The following EXD3 variants were observed in gnomAD, a reference collection of about 807,000 sequenced individuals.
The protein encoded by EXD3 is exonuclease 3'-5' domain containing 3, also known as exonuclease mut-7 homolog.
In EXD3, 92 loss-of-function variants were observed where a neutral mutation model predicts 98.0. The observed-to-expected ratio is 0.94, with a 90% CI of 0.79 to 1.12. The LOEUF (loss-of-function observed/expected upper bound fraction) is 1.12, where lower values mean the gene tolerates loss of function less well. Among genes scored for constraint, EXD3 ranks in the 50% most tolerant of loss-of-function variants. The pLI is 0.00. For missense variants in EXD3, 1,222 were observed against 1,191.6 expected (o/e 1.03, Z -0.38); for synonymous variants, 569 against 526.0 (o/e 1.08, Z -1.12).
At chr9:137,357,196 C>T (rs11516130) in intron 7 of EXD3, 121,356 of 152,084 alleles carry the variant, frequency 0.8, 48,612 homozygotes, top group South Asian at 0.92. Flanking sequence ...TGTTGAGAAA[C>T]TTCATGACAA....
chr9:137,392,422 A>G, intron 2 of EXD3: 1 of 163,282 alleles, frequency 6.1e-6, no homozygotes, highest in South Asian at 1.7e-4. Context: ...ACAGACGCGG[A>G]TGTCCTGCTC....
intron 8 of EXD3, among the ~76,000 whole-genome samples, chr9:137,355,693 G>T (rs1834720850): frequency 2.5e-5 from 1 of 40,538 alleles, no homozygotes; most frequent in Non-Finnish European, 6.6e-5. Flanking sequence ...GAAGGAGAAA[G>T]GGAGGAAGGA....
chr9:137,358,190 C>T (rs1306868559), intron 7 of EXD3, among the ~76,000 whole-genome samples: 1 of 152,220 alleles, frequency 6.6e-6, no homozygotes, highest in Non-Finnish European at 1.5e-5. Context: ...AGAGGCCCCA[C>T]AGCCCTAACT....
intron 17 of EXD3, among the ~76,000 whole-genome samples, chr9:137,327,327 G>T (rs1425842285): frequency 6.6e-6 from 1 of 152,076 alleles, no homozygotes; most frequent in Non-Finnish European, 1.5e-5. Flanking sequence ...TAGAGACAGG[G>T]TTTCACTATG....
At chr9:137,335,330 T>C (rs866124121) in intron 17 of EXD3, among the ~76,000 whole-genome samples, 9 of 151,972 alleles carry the variant, frequency 5.9e-5, no homozygotes, top group African/African-American at 9.7e-5. Context: ...ATCAGGGAAA[T>C]GCAAATTAAA....
intron 1 of EXD3, among the ~76,000 whole-genome samples, chr9:137,406,627 C>T (rs1837727021): frequency 6.6e-6 from 1 of 152,210 alleles, no homozygotes; most frequent in African/African-American, 2.4e-5. Context: ...GCATTAGTGG[C>T]GCTGATGGTG....
chr9:137,393,292 C>T lies in EXD3; in HGVS notation c.55+2011G>A, dbSNP rs531771853. On this transcript the variant is annotated intron_variant, in intron 2 of 21. Transcript: ENST00000340951. This position sits in a 1 kb window ranked among gnomAD's most constrained non-coding sequence, Gnocchi z 4.6. ...CGAACCCAGGGTCCCATGCGCTCCCCGGCCCTGACGGCGGTCTCCAGGGGA... is the reference window on the plus strand; with the variant it reads ...CGAACCCAGGGTCCCATGCGCTCCCTGGCCCTGACGGCGGTCTCCAGGGGA... The T allele has an allele frequency of 1.9e-5, 13 of 698,706 alleles. No homozygotes were observed. The highest frequency in any genetic ancestry group is 1.0e-4 in the South Asian group (7 of 67,390). The allele number at this position is 698,706 out of a possible 1,614,324, so 43.3% of individuals were successfully genotyped here.
chr9:137,333,988 G>A lies in EXD3; in HGVS notation c.1999-9845C>T, dbSNP rs539482188. Reference sequence around the variant, plus strand: ...CTCCCGAGTAGCTGAGACTACAGGCGCCCACCACCAAGCCCAGCAAATTTT... The same window carrying A: ...CTCCCGAGTAGCTGAGACTACAGGCACCCACCACCAAGCCCAGCAAATTTT... On this transcript the variant is annotated intron_variant, in intron 17 of 21. Transcript: ENST00000340951. Among the ~76,000 whole-genome samples the A allele has an allele frequency of 7.3e-3, 1,096 of 149,854 alleles. 8 individuals carry two copies. Among genetic ancestry groups the A allele is most frequent in the South Asian group, 0.014 (66 of 4,700 alleles).
Position 137,323,750 on chromosome 9 carries a change from T to TA in EXD3, c.2158_2159insT (p.His720LeufsTer12). ...CTGGCAGCGGCTGAAGATGTCTGCGTGGGTGACACGCACGTTGAAATGCTT... is the reference window on the plus strand; with the variant it reads ...CTGGCAGCGGCTGAAGATGTCTGCGTAGGGTGACACGCACGTTGAAATGCTT... On this transcript the variant is annotated frameshift_variant, in exon 19 of 22. Coordinates refer to ENST00000340951, the MANE Select transcript of EXD3 (RefSeq NM_017820.5). LOFTEE classifies it high-confidence loss of function. The TA allele has an allele frequency of 2.5e-6, 4 of 1,612,324 alleles. No homozygotes were observed. Among genetic ancestry groups the TA allele is most frequent in the Non-Finnish European group, 3.4e-6 (4 of 1,179,702 alleles).
intron 12 of EXD3, 74 bp from the exon 13 acceptor site, chr9:137,351,602 G>A (rs1834309852): frequency 7.3e-7 from 1 of 1,378,676 alleles, no homozygotes; most frequent in South Asian, 1.3e-5. Flanking sequence ...TGGAGGTCCT[G>A]AGCAGCTCTG....
chr9:137,323,686 T>C (rs1027982576), intron 19 of EXD3, 39 bp downstream of exon 19: 4 of 1,602,680 alleles, frequency 2.5e-6, no homozygotes, highest in Admixed American at 1.7e-5. Flanking sequence ...CTCCAGATCT[T>C]GTGCCAGCCC....
chr9:137,388,606 C>T (rs923277567), intron 2 of EXD3, among the ~76,000 whole-genome samples: 2 of 152,168 alleles, frequency 1.3e-5, no homozygotes, highest in East Asian at 1.9e-4. Context: ...TGAGGCCGAC[C>T]CCAGCAGCGG....
intron 17 of EXD3, among the ~76,000 whole-genome samples, chr9:137,330,093 AGGGCTCCACAG>A (rs1832931664): frequency 7.4e-6 from 1 of 134,718 alleles, no homozygotes; most frequent in African/African-American, 3.0e-5. Flanking sequence ...GGAGCTACAC[AGGGCTCCACAG>A]GAGCTACACA....
At chr9:137,355,527 T>G (rs113034691) in intron 8 of EXD3, among the ~76,000 whole-genome samples, 11 of 15,816 alleles carry the variant, frequency 7.0e-4, no homozygotes, top group East Asian at 2.7e-3. Context: ...GGAAGGAGGA[T>G]GGAGGAAGGA....
rs28460037 is a variant in EXD3 at position 137,402,880 on chromosome 9, C to T, written c.-47-7476G>A. Among the ~76,000 whole-genome samples, 249 of 152,230 alleles carry T rather than the reference C, an allele frequency of 1.6e-3. 1 individual carries two copies. The highest frequency in any genetic ancestry group is 0.01 in the East Asian group (52 of 5,182). ...GCGAAAGGCACTTCTTACATGGTGG[C>T]AGCAAGAGAAAATGAGGAACCAAAA... On this transcript the variant is annotated intron_variant, in intron 1 of 21. Transcript: ENST00000340951.
intron 2 of EXD3, among the ~76,000 whole-genome samples, 164 bp from the exon 3 acceptor site, chr9:137,383,541 C>G (rs963909826): frequency 6.6e-6 from 1 of 152,224 alleles, no homozygotes; most frequent in Non-Finnish European, 1.5e-5. Flanking sequence ...CACAACACAC[C>G]TGCCAGCTGC....
intron 1 of EXD3, among the ~76,000 whole-genome samples, chr9:137,396,105 T>C (rs1837206776): frequency 6.6e-6 from 1 of 152,042 alleles, no homozygotes; most frequent in Non-Finnish European, 1.5e-5. Flanking sequence ...GTAGCTGGGA[T>C]GACAGGCATG....
At chr9:137,323,629 C>CCCA (rs1257241006) in intron 19 of EXD3, 96 bp downstream of exon 19, 7 of 1,509,270 alleles carry the variant, frequency 4.6e-6, no homozygotes, top group Non-Finnish European at 6.3e-6. Context: ...CCACCCCAGA[C>CCCA]CCACCACTGT....
At chr9:137,419,855 C>A (rs190129503) in intron 1 of EXD3, among the ~76,000 whole-genome samples, 55 of 151,374 alleles carry the variant, frequency 3.6e-4, no homozygotes, top group Admixed American at 8.6e-4. Flanking sequence ...GGATTGTTAA[C>A]CCAACATCAT....
Sources: allele counts gnomAD v4.1 joint callset (sites outside exome capture counted in the v4.1 genomes callset), GRCh38; gene constraint gnomAD v4.1.1; non-coding constraint Gnocchi (gnomAD v3.1); transcripts MANE v1.5; gene names NCBI Gene and HGNC (gene_info 2026-07-23, HGNC 2026-07-21).